The following SLC39A12 variants were observed in gnomAD, a reference collection of about 807,000 sequenced individuals.
The protein encoded by SLC39A12 is zinc transporter ZIP12.
SLC39A12 carries 63 observed loss-of-function variants against 71.1 expected under a neutral mutation model. That is an observed-to-expected ratio of 0.89 (90% CI 0.72 to 1.09). The LOEUF (loss-of-function observed/expected upper bound fraction) is 1.09. Ranked by LOEUF, SLC39A12 falls within the 50% of genes least tolerant of loss-of-function variation. The probability of loss-of-function intolerance (pLI) is 0.00; values close to 1 mark genes in which losing one functional copy is unlikely to be tolerated. For missense variants in SLC39A12, 892 were observed against 812.6 expected (o/e 1.10, Z -1.19); for synonymous variants, 351 against 301.3 (o/e 1.16, Z -1.71).
chr10:18,025,731 T>A (rs1836659799), intron 12 of SLC39A12, among the ~76,000 whole-genome samples: 1 of 152,212 alleles, frequency 6.6e-6, no homozygotes, highest in African/African-American at 2.4e-5. Context: ...TGATTTATAA[T>A]CCTTTGGGTA....
intron 12 of SLC39A12, among the ~76,000 whole-genome samples, chr10:18,040,085 G>A (rs571599989): frequency 6.6e-6 from 1 of 152,130 alleles, no homozygotes; most frequent in Non-Finnish European, 1.5e-5. Flanking sequence ...AAACATATAC[G>A]TAATATATAA....
In SLC39A12 at chr10:17,961,730, T is replaced by C. The variant is rs782120297; in HGVS notation, c.411T>C (p.Asn137=). 1.9e-6 allele frequency: 3 copies of C among 1,614,108 alleles called. No individual in the cohort carries two copies. Among genetic ancestry groups the C allele is most frequent in the East Asian group, 2.2e-5 (1 of 44,874 alleles). Residue 137 remains asparagine (N), a synonymous_variant, in exon 3 of 13, where the codon AAT becomes AAC. Coordinates refer to ENST00000377369, the MANE Select transcript of SLC39A12 (RefSeq NM_001145195.2). ...GTTCTTCAAAGCTCAACATGAGTAA[T>C]AAAGAGTATAAATTTTACCTACACA... ...EICSSKLNMS[N]KEYKFYLHSL...
intron 11 of SLC39A12, 40 bp downstream of exon 11, chr10:18,000,865 G>A (rs1475782734): frequency 1.3e-6 from 2 of 1,578,172 alleles, no homozygotes; most frequent in Admixed American, 1.7e-5. Context: ...GGCCTGTTGA[G>A]AAAGAAATAA....
chr10:17,955,817 C>A (rs782782082), intron 2 of SLC39A12, among the ~76,000 whole-genome samples: 19 of 152,140 alleles, frequency 1.2e-4, no homozygotes, highest in Admixed American at 3.3e-4. Context: ...CTGGGCTGAT[C>A]CTGGCTTTTT....
At chr10:18,031,357 G>C (rs1179513546) in intron 12 of SLC39A12, among the ~76,000 whole-genome samples, 1 of 140,466 alleles carries the variant, frequency 7.1e-6, no homozygotes, top group Non-Finnish European at 1.6e-5. Flanking sequence ...GTGTGAGATG[G>C]TATCTCATAG....
At chr10:17,967,977 G>GT (rs1834876630) in intron 4 of SLC39A12, among the ~76,000 whole-genome samples, 1 of 149,932 alleles carries the variant, frequency 6.7e-6, no homozygotes. Flanking sequence ...TTATACCTAT[G>GT]CCTTTAACAT....
chr10:17,969,856 G>A lies in SLC39A12; in HGVS notation c.751+4166G>A, dbSNP rs185401531. Among the ~76,000 whole-genome samples, 11 of 152,170 alleles carry A rather than the reference G, an allele frequency of 7.2e-5. No individual in the cohort carries two copies. The South Asian group carries it at 1.0e-3, about 14-fold the overall frequency. ...GTGGAGTATTACTCAGGAAATTTTCGACCAGACCAATGTCCTCAAGATTTT... is the reference window on the plus strand; with the variant it reads ...GTGGAGTATTACTCAGGAAATTTTCAACCAGACCAATGTCCTCAAGATTTT... On this transcript the variant is annotated intron_variant, in intron 4 of 12. Transcript: ENST00000377369.
chr10:17,997,689 C>T (rs942278515), intron 10 of SLC39A12, among the ~76,000 whole-genome samples: 4 of 152,196 alleles, frequency 2.6e-5, no homozygotes, highest in African/African-American at 9.7e-5. Context: ...TACTCAACTG[C>T]CCCTTTGCCA....
intron 2 of SLC39A12, among the ~76,000 whole-genome samples, chr10:17,955,641 G>GA (rs1165002647): frequency 1.3e-5 from 2 of 152,084 alleles, no homozygotes; most frequent in East Asian, 1.9e-4. Context: ...CTAAATGTCT[G>GA]AAAAAAGAGG....
intron 12 of SLC39A12, among the ~76,000 whole-genome samples, chr10:18,039,178 G>A (rs1400859673): frequency 6.6e-6 from 1 of 152,202 alleles, no homozygotes; most frequent in East Asian, 1.9e-4. Flanking sequence ...ATTCAGCCAT[G>A]TTTTACAAAA....
intron 12 of SLC39A12, among the ~76,000 whole-genome samples, chr10:18,040,827 G>T (rs12358478): frequency 0.098 from 14,703 of 150,374 alleles, 1,120 homozygotes; most frequent in East Asian, 0.21. Flanking sequence ...TAAAGTCCTT[G>T]ATCATTCATT....
chr10:17,991,798 A>T (rs1835554595), intron 8 of SLC39A12, among the ~76,000 whole-genome samples: 1 of 152,160 alleles, frequency 6.6e-6, no homozygotes, highest in Admixed American at 6.5e-5. Context: ...ATAAATGTCT[A>T]CAGATATGGG....
intron 12 of SLC39A12, among the ~76,000 whole-genome samples, chr10:18,030,678 A>T (rs1335957486): frequency 1.3e-5 from 2 of 151,262 alleles, no homozygotes; most frequent in Non-Finnish European, 2.9e-5. Context: ...TTTAGGGTAC[A>T]TGTGCACATT....
intron 4 of SLC39A12, among the ~76,000 whole-genome samples, chr10:17,966,463 A>C (rs77296956): frequency 0.013 from 2,049 of 152,026 alleles, 38 homozygotes; most frequent in African/African-American, 0.043. Context: ...GCTGTGTGTC[A>C]CCATGCCCAG....
At chr10:18,026,262 A>G (rs1239951155) in intron 12 of SLC39A12, among the ~76,000 whole-genome samples, 1 of 151,882 alleles carries the variant, frequency 6.6e-6, no homozygotes, top group African/African-American at 2.4e-5. Context: ...AATTCCCTCT[A>G]TTTTTGTTTT....
rs1837296728 is a variant in SLC39A12, at chr10:18,042,817, A to G, written c.2060A>G (p.Gln687Arg). 1 of 1,606,878 alleles carries G rather than the reference A, an allele frequency of 6.2e-7. No homozygotes were observed. The highest frequency in any genetic ancestry group is 1.1e-5 in the South Asian group (1 of 89,046). ...CTCCTGCTCTTGGCTATATATGAGC[A>G]AAATATTAAAATATAAGTGAGGATC... is the stretch of plus-strand genomic sequence containing the variant. The part of the protein sequence containing the change: ...LSLLLLAIYE[Q>R]NIKI Residue 687 changes from glutamine (Q) to arginine (R), a missense_variant, in exon 13 of 13, where the codon CAA (glutamine) becomes CGA (arginine). Physicochemically the swap from Gln to Arg is conservative, Grantham distance 43. Transcript: ENST00000377369.
intron 12 of SLC39A12, among the ~76,000 whole-genome samples, chr10:18,004,822 C>T (rs112890837): frequency 0.12 from 18,818 of 151,992 alleles, 1,335 homozygotes; most frequent in Non-Finnish European, 0.16. Flanking sequence ...ATGGAATCAA[C>T]CCAAGTGCCC....
chr10:17,962,439 CA>C (rs1467530189), intron 3 of SLC39A12, among the ~76,000 whole-genome samples: 2 of 152,162 alleles, frequency 1.3e-5, no homozygotes, highest in Admixed American at 6.5e-5. Context: ...CTGTTGCCTT[CA>C]TTACTATTCT....
chr10:17,976,803 A>G (rs1381467174), intron 4 of SLC39A12, among the ~76,000 whole-genome samples: 1 of 152,090 alleles, frequency 6.6e-6, no homozygotes, highest in Non-Finnish European at 1.5e-5. Context: ...ATCTTACTTG[A>G]TGTTTGATAT....
Sources: allele counts gnomAD v4.1 joint callset (sites outside exome capture counted in the v4.1 genomes callset), GRCh38; gene constraint gnomAD v4.1.1; transcripts MANE v1.5; gene names NCBI Gene and HGNC (gene_info 2026-07-23, HGNC 2026-07-21).